MACROD2: variants seen among roughly 807,000 people sequenced by gnomAD.
MACROD2 encodes mono-ADP ribosylhydrolase 2, also known as ADP-ribose glycohydrolase MACROD2.
Under a neutral mutation model 70.4 loss-of-function variants are expected in MACROD2, and 36 were observed. That is an observed-to-expected ratio of 0.51 (90% CI 0.39 to 0.68). The LOEUF is 0.68. Ranked by LOEUF, MACROD2 falls within the 30% of genes least tolerant of loss-of-function variation. The probability of loss-of-function intolerance (pLI) is 0.00; values close to 1 mark genes in which losing one functional copy is unlikely to be tolerated. For missense variants in MACROD2, 496 were observed against 538.4 expected (o/e 0.92, Z 0.78); for synonymous variants, 172 against 178.8 (o/e 0.96, Z 0.30).
intron 15 of MACROD2, among the ~76,000 whole-genome samples, chr20:16,007,807 G>A (rs2066809639): frequency 6.6e-6 from 1 of 152,002 alleles, no homozygotes; most frequent in Non-Finnish European, 1.5e-5. Context: ...TGCTCTGAGG[G>A]GCTGTGGCTA....
intron 8 of MACROD2, among the ~76,000 whole-genome samples, chr20:15,767,254 G>A (rs946048848): frequency 2.6e-5 from 4 of 152,240 alleles, no homozygotes; most frequent in South Asian, 2.1e-4. Flanking sequence ...GATGAATAGC[G>A]GAGCCCTTGT....
chr20:14,710,355 A>C (rs1485499542), intron 5 of MACROD2, among the ~76,000 whole-genome samples: 2 of 152,204 alleles, frequency 1.3e-5, no homozygotes, highest in Non-Finnish European at 2.9e-5. Flanking sequence ...AATATTGAAT[A>C]AGACCCTTTA....
intron 5 of MACROD2, among the ~76,000 whole-genome samples, chr20:14,848,369 C>G (rs1022903161): frequency 6.6e-6 from 1 of 152,168 alleles, no homozygotes; most frequent in Non-Finnish European, 1.5e-5. Context: ...AGTGTTTTCT[C>G]TCCTTTTAGA....
chr20:15,176,321 C>T lies in MACROD2; in HGVS notation c.419-53619C>T, dbSNP rs76155924. Among the ~76,000 whole-genome samples the T allele has an allele frequency of 9.3e-4, 142 of 152,322 alleles. 2 individuals are homozygous for T. The East Asian group carries it at 0.026, about 28-fold the overall frequency. ...GGGCAGGTCCCTGGTGAAATCCCAC[C>T]TTCAAGCCTGAAGCCTGTGGGCTGG... On this transcript the variant is annotated intron_variant, in intron 5 of 17. Transcript: ENST00000684519.
intron 8 of MACROD2, among the ~76,000 whole-genome samples, chr20:15,700,575 T>C (rs1568981903): frequency 6.6e-6 from 1 of 152,246 alleles, no homozygotes; most frequent in Admixed American, 6.5e-5. Context: ...GAGGCATATT[T>C]ATTTACATAA....
At chr20:15,174,761 T>C (rs1389677499) in intron 5 of MACROD2, among the ~76,000 whole-genome samples, 1 of 152,244 alleles carries the variant, frequency 6.6e-6, no homozygotes, top group Admixed American at 6.5e-5. Context: ...CCAGTGATGG[T>C]GAGCATTTTT....
In MACROD2 at chr20:16,044,576, A is replaced by G. The variant is rs1167767962; in HGVS notation, c.1237A>G (p.Met413Val). The change falls in exon 17 of 18, where the codon ATG (methionine) becomes GTG (valine). Residue 413 changes from methionine to valine, a missense_variant. Coordinates refer to ENST00000684519, the MANE Select transcript of MACROD2 (RefSeq NM_001351661.2). ...LENTPGPDVE[M>V]NSQVDKVNDP... ...TTTTTTTTTTCTGGTGACAGTTGAA[A>G]TGAATAGTCAGGTTGACAAGGTAAA... The G allele has an allele frequency of 1.2e-6, 2 of 1,612,258 alleles. No homozygotes were observed. Among genetic ancestry groups the G allele is most frequent in the Non-Finnish European group, 1.7e-6 (2 of 1,179,240 alleles).
At chr20:15,830,870 G>C (rs975328358) in intron 8 of MACROD2, among the ~76,000 whole-genome samples, 6 of 152,222 alleles carry the variant, frequency 3.9e-5, no homozygotes, top group South Asian at 4.2e-4. Flanking sequence ...AGATATGTAG[G>C]CGTATATAAC....
intron 9 of MACROD2, among the ~76,000 whole-genome samples, chr20:15,883,573 C>T (rs999368573): frequency 3.8e-4 from 51 of 134,928 alleles, no homozygotes; most frequent in African/African-American, 1.4e-3. Flanking sequence ...TTTTCTCTTT[C>T]CTCTGACTAA....
At chr20:14,658,823 C>G (rs965382298) in intron 4 of MACROD2, among the ~76,000 whole-genome samples, 1 of 152,134 alleles carries the variant, frequency 6.6e-6, no homozygotes, top group East Asian at 1.9e-4. Context: ...CGTGTTGCCC[C>G]GGCTGGTCTC....
intron 7 of MACROD2, among the ~76,000 whole-genome samples, chr20:15,470,696 A>G (rs2046953617): frequency 6.6e-6 from 1 of 152,108 alleles, no homozygotes; most frequent in African/African-American, 2.4e-5. Context: ...GTGGCAGGAC[A>G]CTGGCCACCT....
intron 6 of MACROD2, 128 bp from the exon 7 acceptor site, chr20:15,431,277 C>G (rs1600401847): frequency 1.3e-6 from 1 of 770,654 alleles, no homozygotes; most frequent in East Asian, 2.7e-5. Context: ...GTCCCCTACT[C>G]CAACTCATAG....
intron 3 of MACROD2, among the ~76,000 whole-genome samples, chr20:14,333,173 G>C (rs1282499455): frequency 6.6e-6 from 1 of 152,030 alleles, no homozygotes; most frequent in African/African-American, 2.4e-5. Context: ...TTCATACTTG[G>C]TTTTATCCAG....
chr20:15,669,094 A>G (rs190844847), intron 8 of MACROD2, among the ~76,000 whole-genome samples: 1 of 152,340 alleles, frequency 6.6e-6, no homozygotes, highest in South Asian at 2.1e-4. Flanking sequence ...TTAACAAGTG[A>G]AAAAAGTGAA....
intron 5 of MACROD2, among the ~76,000 whole-genome samples, chr20:14,779,818 C>G (rs1209132883): frequency 6.6e-6 from 1 of 152,006 alleles, no homozygotes; most frequent in Non-Finnish European, 1.5e-5. Context: ...TAAATAATTA[C>G]CAGTCAATAT....
chr20:15,128,844 G>GT lies in MACROD2; in HGVS notation c.419-101085dup, dbSNP rs5840655. ...AGTTTGTATCTGGGGTTTGTGTTTT[G>GT]TTTTTTTTTTTCATCTACTTTTTGA... On this transcript the variant is annotated intron_variant, in intron 5 of 17. Coordinates refer to ENST00000684519, the MANE Select transcript of MACROD2 (RefSeq NM_001351661.2). Among the ~76,000 whole-genome samples the GT allele has an allele frequency of 2.3e-3, 346 of 147,554 alleles. 1 individual carries two copies. The highest frequency in any genetic ancestry group is 6.5e-3 in the African/African-American group (260 of 40,300).
At chr20:15,890,446 C>T (rs2064873694) in intron 10 of MACROD2, among the ~76,000 whole-genome samples, 2 of 152,188 alleles carry the variant, frequency 1.3e-5, no homozygotes, top group African/African-American at 2.4e-5. Flanking sequence ...TTGCAAATGT[C>T]CCTTTGCCCA....
chr20:15,016,270 A>T (rs2075120427), intron 5 of MACROD2, among the ~76,000 whole-genome samples: 1 of 152,208 alleles, frequency 6.6e-6, no homozygotes, highest in African/African-American at 2.4e-5. Context: ...TGGGTGGAGG[A>T]CAGCAGGGTG....
intron 3 of MACROD2, among the ~76,000 whole-genome samples, chr20:14,167,559 C>CT (rs1217164424): frequency 5.9e-4 from 86 of 145,336 alleles, no homozygotes; most frequent in Non-Finnish European, 8.5e-4. Flanking sequence ...AATTTTTGTG[C>CT]TTTTTTTTTT....
Sources: gnomAD v4.1 joint callset for allele counts (sites outside exome capture counted in the v4.1 genomes callset) on GRCh38, gnomAD v4.1.1 for gene constraint, MANE v1.5 for transcripts, NCBI Gene and HGNC (gene_info 2026-07-23, HGNC 2026-07-21) for gene names.